Variants in NECAB3 observed in about 807,000 individuals in gnomAD.
The protein encoded by NECAB3 is N-terminal EF-hand calcium binding protein 3, also known as N-terminal EF-hand calcium-binding protein 3.
Under a neutral mutation model 57.2 loss-of-function variants are expected in NECAB3, and 38 were observed. The observed-to-expected ratio is 0.66, with a 90% CI of 0.51 to 0.87. The LOEUF is 0.87. NECAB3 is among the 40% of genes least tolerant of loss of function. The pLI is 0.00. For missense variants in NECAB3, 474 were observed against 527.5 expected (o/e 0.90, Z 0.99); for synonymous variants, 223 against 222.6 (o/e 1.00, Z -0.02).
intron 10 of NECAB3, 105 bp downstream of exon 10, chr20:33,658,372 T>A: frequency 1.6e-6 from 2 of 1,213,338 alleles, no homozygotes; most frequent in African/African-American, 1.5e-5. Flanking sequence ...GGGTCACTCA[T>A]CTGAGGTCAC....
At chr20:33,666,182 C>CTGAA (rs2017645278) in intron 5 of NECAB3, among the ~76,000 whole-genome samples, 1 of 152,138 alleles carries the variant, frequency 6.6e-6, no homozygotes, top group Non-Finnish European at 1.5e-5. Flanking sequence ...CTCGGGGGCT[C>CTGAA]TTCAGGGAAG....
intron 5 of NECAB3, chr20:33,663,742 A>G: frequency 2.6e-6 from 4 of 1,520,832 alleles, no homozygotes; most frequent in Middle Eastern, 2.2e-4. Context: ...GGGCGGGGCC[A>G]GGGCAGCTCT....
In NECAB3 at chr20:33,672,429, G is replaced by A; in HGVS notation, c.130-7C>T. The A allele has an allele frequency of 6.2e-6, 10 of 1,614,116 alleles. No homozygotes were observed. Among genetic ancestry groups the A allele is most frequent in the Non-Finnish European group, 8.5e-6 (10 of 1,180,010 alleles). ...TGTCTGCTCTGCGGAAAACCTAGAG[G>A]ACAAAGGGACATAGAGAGAACTGTG... On this transcript the variant is annotated splice_polypyrimidine_tract_variant and splice_region_variant and intron_variant, in intron 1 of 11. Transcript: ENST00000246190.
Position 33,660,225 on chromosome 20 carries a change from A to G in NECAB3, c.524+34T>C, listed in dbSNP as rs2017423877. 1.2e-6 allele frequency: 2 copies of G among 1,605,204 alleles called. No individual in the cohort carries two copies. The highest frequency in any genetic ancestry group is 1.7e-6 in the Non-Finnish European group (2 of 1,174,606). Reference sequence around the variant, plus strand: ...ATGGGGGTACAATGGGCGCTTGTGCACTAGCCCCACAGGTTGACAGCACCC... The same window carrying G: ...ATGGGGGTACAATGGGCGCTTGTGCGCTAGCCCCACAGGTTGACAGCACCC... On this transcript the variant is annotated intron_variant, in intron 6 of 11. Transcript: ENST00000246190. This position sits in a 1 kb window ranked among gnomAD's most constrained non-coding sequence, Gnocchi z 4.1.
At chr20:33,658,600 C>T (rs752696427) in intron 9 of NECAB3, 46 bp from the exon 10 acceptor site, 3 of 1,609,298 alleles carry the variant, frequency 1.9e-6, no homozygotes, top group South Asian at 2.2e-5. Flanking sequence ...GCTGCCACCA[C>T]CTCTGCCTCC....
intron 5 of NECAB3, chr20:33,668,031 C>T: frequency 6.5e-7 from 1 of 1,546,746 alleles, no homozygotes; most frequent in Non-Finnish European, 8.7e-7. Context: ...TCGCCGAGCG[C>T]CTGGACAAGG....
At chr20:33,670,247 T>G in intron 3 of NECAB3, 1 of 176,754 alleles carries the variant, frequency 5.7e-6, no homozygotes, top group Admixed American at 5.7e-5. Flanking sequence ...GTAGAGGGAG[T>G]AACAGCGGTT....
intron 2 of NECAB3, 53 bp downstream of exon 2, chr20:33,672,345 C>CT: frequency 1.2e-6 from 2 of 1,611,678 alleles, no homozygotes. Flanking sequence ...CCTGGGCCTC[C>CT]TGGATGCCTC....
At chr20:33,665,755 A>C (rs2122495795) in intron 5 of NECAB3, 1 of 152,338 alleles carries the variant, frequency 6.6e-6, no homozygotes, top group South Asian at 2.1e-4. Context: ...AGAAAGATCA[A>C]GACTTGCTTA....
intron 3 of NECAB3, chr20:33,670,282 GGCACGGGAAGGAGCGT>G (rs2017802093): frequency 5.3e-6 from 1 of 188,774 alleles, no homozygotes; most frequent in Non-Finnish European, 1.1e-5. Flanking sequence ...CCTGGGAGCA[GGCACGGGAAGGAGCGT>G]GCACACTCCT....
intron 5 of NECAB3, chr20:33,668,554 T>A (rs1315128437): frequency 3.4e-6 from 1 of 294,770 alleles, no homozygotes. Flanking sequence ...CAAACCCTCG[T>A]CATGTACCAT....
chr20:33,670,077 G>A (rs542022889), intron 3 of NECAB3: 1 of 250,520 alleles, frequency 4.0e-6, no homozygotes, highest in African/African-American at 2.2e-5. Context: ...TTGTAGGTTA[G>A]GGAGGGTTTC....
upstream of NECAB3, chr20:33,675,192 G>C (rs2017931982): frequency 6.5e-6 from 1 of 153,288 alleles, no homozygotes; most frequent in South Asian, 2.1e-4. Context: ...TTATTTTACA[G>C]CGCTCAGCTT....
intron 5 of NECAB3, chr20:33,663,685 C>G: frequency 6.3e-7 from 1 of 1,584,456 alleles, no homozygotes; most frequent in Non-Finnish European, 8.5e-7. Context: ...GCCGAGGATG[C>G]CGGTACTGCT....
Position 33,657,978 on chromosome 20 carries a change from G to A in NECAB3, c.1126C>T (p.Arg376Trp), listed in dbSNP as rs768179067. 3.3e-5 allele frequency: 52 copies of A among 1,556,930 alleles called. No homozygotes were observed. The highest frequency in any genetic ancestry group is 2.6e-4 in the African/African-American group (19 of 73,236). ...ACAGTGGTGAGGGTGTCCGGGGCCC[G>A]CAGGTGGTCGATGAGGATGCGCTGG... ...AFQRILIDHL[R>W]APDTLTTVFF... Residue 376 changes from arginine to tryptophan, a missense_variant, in exon 11 of 12, where the codon CGG becomes TGG. Arg to Trp is a moderately radical substitution (Grantham distance 101). Transcript: ENST00000246190.
chr20:33,658,677 C>T (rs758065289), intron 9 of NECAB3, 45 bp downstream of exon 9: 1 of 1,601,516 alleles, frequency 6.2e-7, no homozygotes, highest in Non-Finnish European at 8.6e-7. Context: ...CCTCTCTGCT[C>T]ACCCCCTCCC....
At chr20:33,674,498 G>A (rs1380285525), upstream of NECAB3, 1 of 761,176 alleles carries the variant, frequency 1.3e-6, no homozygotes, top group Non-Finnish European at 1.6e-6. Flanking sequence ...GCGGACGCCG[G>A]GTTCCCTCGC....
At chr20:33,667,796 G>A (rs763508960) in intron 5 of NECAB3, 2 of 1,612,310 alleles carry the variant, frequency 1.2e-6, no homozygotes, top group Non-Finnish European at 1.7e-6. Context: ...GACCCCGCCC[G>A]CCACCATCCG....
intron 5 of NECAB3, chr20:33,667,510 G>T: frequency 6.6e-7 from 1 of 1,520,628 alleles, no homozygotes. Context: ...GGCTAGCACC[G>T]CGTTGCTGGC....
Sources: gnomAD v4.1 joint callset for allele counts (sites outside exome capture counted in the v4.1 genomes callset) on GRCh38, gnomAD v4.1.1 for gene constraint, Gnocchi (gnomAD v3.1) non-coding constraint, MANE v1.5 for transcripts, NCBI Gene and HGNC (gene_info 2026-07-23, HGNC 2026-07-21) for gene names.